SLC25A13: variants seen among roughly 807,000 people sequenced by gnomAD.
The protein encoded by SLC25A13 is solute carrier family 25 member 13.
A neutral mutation model predicts 85.5 loss-of-function variants in SLC25A13; 70 were observed. The observed-to-expected ratio is 0.82, with a 90% CI of 0.68 to 1.00. The LOEUF is 1.00. SLC25A13 is among the 50% of genes least tolerant of loss of function. The pLI, the probability that SLC25A13 is intolerant of heterozygous loss-of-function variation, is 0.00. For missense variants in SLC25A13, 765 were observed against 819.8 expected, an observed-to-expected ratio of 0.93 and a Z score of 0.82; for synonymous variants, 259 against 288.7, an observed-to-expected ratio of 0.90 and a Z score of 1.04.
chr7:96,219,674 T>C (rs369804713), intron 4 of SLC25A13: 1 of 534,574 alleles, frequency 1.9e-6, no homozygotes. Context: ...ATCAGTAGAT[T>C]TGAGACAGAG....
At chr7:96,129,827 G>C (rs564468633) in intron 15 of SLC25A13, among the ~76,000 whole-genome samples, 2 of 152,158 alleles carry the variant, frequency 1.3e-5, no homozygotes, top group African/African-American at 2.4e-5. Flanking sequence ...TTGGTAGTCT[G>C]ACCCCACAGG....
chr7:96,316,110 T>A (rs1254077660), intron 1 of SLC25A13, among the ~76,000 whole-genome samples: 2 of 151,534 alleles, frequency 1.3e-5, no homozygotes, highest in Non-Finnish European at 2.9e-5. Context: ...GGTGAGAGAG[T>A]GAGACCCTGT....
chr7:96,306,803 C>T (rs1562921057), intron 1 of SLC25A13: 4 of 1,356,442 alleles, frequency 2.9e-6, no homozygotes, highest in Admixed American at 1.7e-5. Flanking sequence ...ATCATCTCTA[C>T]CCCCAGGGAC....
intron 1 of SLC25A13, among the ~76,000 whole-genome samples, chr7:96,320,550 T>C (rs1179805680): frequency 6.6e-6 from 1 of 152,198 alleles, no homozygotes; most frequent in African/African-American, 2.4e-5. Context: ...CTATTGGGCT[T>C]GAAAGGGTTA....
chr7:96,192,037 A>T (rs1324302245), intron 6 of SLC25A13, among the ~76,000 whole-genome samples: 1 of 152,226 alleles, frequency 6.6e-6, no homozygotes, highest in African/African-American at 2.4e-5. Context: ...ATCTTCACTT[A>T]GTAATCATTT....
In SLC25A13 at chr7:96,274,411, CT is replaced by C. The variant is rs567769343; in HGVS notation, c.212+2784del. Among the ~76,000 whole-genome samples, 12 of 152,168 alleles carry C rather than the reference CT, an allele frequency of 7.9e-5. No homozygotes were observed. In the East Asian group the frequency reaches 2.3e-3, roughly 29 times the overall value. On this transcript the variant is annotated intron_variant, in intron 3 of 17. Coordinates refer to ENST00000265631, the MANE Select transcript of SLC25A13 (RefSeq NM_014251.3). ...TCATTGTAGATTCTGGATATTAGCC[CT>C]TTGTCAGATGAGTAGATTGAAAAAA...
chr7:96,166,187 T>A (rs995506359), intron 13 of SLC25A13, among the ~76,000 whole-genome samples: 4 of 152,176 alleles, frequency 2.6e-5, no homozygotes, highest in African/African-American at 7.2e-5. Flanking sequence ...GAATATAAAC[T>A]TCTATAAACA....
chr7:96,175,306 A>G (rs1462897875), intron 11 of SLC25A13, among the ~76,000 whole-genome samples: 1 of 152,262 alleles, frequency 6.6e-6, no homozygotes, highest in African/African-American at 2.4e-5. Flanking sequence ...AGGCTATGGC[A>G]TGGAGTCAGG....
intron 1 of SLC25A13, among the ~76,000 whole-genome samples, chr7:96,307,877 CGCAGTGGCTCACGCCTGTAATCCCA>C (rs1799811810): frequency 6.6e-6 from 1 of 152,050 alleles, no homozygotes; most frequent in Non-Finnish European, 1.5e-5. Context: ...TGCGGCCGGG[CGCAGTGGCTCACGCCTGTAATCCCA>C]GCACTTTGGG....
intron 13 of SLC25A13, among the ~76,000 whole-genome samples, chr7:96,157,718 T>C (rs147125569): frequency 0.01 from 1,594 of 152,202 alleles, 29 homozygotes; most frequent in African/African-American, 0.036. Context: ...GCAGAATTGC[T>C]TGAACCCAGG....
intron 11 of SLC25A13, among the ~76,000 whole-genome samples, chr7:96,176,871 T>C (rs6978550): frequency 0.34 from 52,302 of 152,052 alleles, 9,456 homozygotes; most frequent in East Asian, 0.59. Context: ...ATCTAGGGCA[T>C]GGGCTTTGGA....
intron 14 of SLC25A13, among the ~76,000 whole-genome samples, chr7:96,139,959 T>TC (rs1164821114): frequency 1.5e-4 from 7 of 47,290 alleles, no homozygotes; most frequent in African/African-American, 5.3e-4. Context: ...TTTTTTTTTT[T>TC]TTTTTTTTTT....
intron 13 of SLC25A13, 99 bp from the exon 14 acceptor site, chr7:96,146,795 C>T: frequency 7.2e-7 from 1 of 1,396,022 alleles, no homozygotes; most frequent in Non-Finnish European, 1.0e-6. Context: ...ATATTCTATC[C>T]TCAAGAGAAT....
intron 15 of SLC25A13, among the ~76,000 whole-genome samples, chr7:96,126,403 T>C (rs1301538604): frequency 6.6e-6 from 1 of 152,206 alleles, no homozygotes; most frequent in African/African-American, 2.4e-5. Context: ...ACACTTATCC[T>C]CTCTAGGGAA....
chr7:96,215,729 AT>A (rs913362390), intron 4 of SLC25A13, among the ~76,000 whole-genome samples: 4 of 152,184 alleles, frequency 2.6e-5, no homozygotes, highest in Admixed American at 2.6e-4. Context: ...TTAGAAAAAA[AT>A]ATAGACATAA....
intron 4 of SLC25A13, among the ~76,000 whole-genome samples, chr7:96,227,968 G>A (rs937063929): frequency 2.0e-5 from 3 of 152,036 alleles, no homozygotes; most frequent in Admixed American, 6.5e-5. Flanking sequence ...GGGTTCAAGC[G>A]ATTCTCCTGC....
At chr7:96,180,381 TC>T in intron 11 of SLC25A13, among the ~76,000 whole-genome samples, 1 of 152,298 alleles carries the variant, frequency 6.6e-6, no homozygotes, top group East Asian at 1.9e-4. Context: ...CACTCTTGTC[TC>T]CCAGGCAGGA....
intron 5 of SLC25A13, among the ~76,000 whole-genome samples, chr7:96,203,108 C>T (rs953715410): frequency 2.0e-5 from 3 of 152,220 alleles, no homozygotes; most frequent in African/African-American, 7.2e-5. Flanking sequence ...AGTGATCCTT[C>T]TGAAGCACAA....
chr7:96,146,753 G>A, intron 13 of SLC25A13, 57 bp from the exon 14 acceptor site: 1 of 1,565,696 alleles, frequency 6.4e-7, no homozygotes. Flanking sequence ...GGTGGGTCAG[G>A]AAGAGATGAA....
Sources: gnomAD v4.1 joint callset for allele counts (sites outside exome capture counted in the v4.1 genomes callset) on GRCh38, gnomAD v4.1.1 for gene constraint, MANE v1.5 for transcripts, NCBI Gene and HGNC (gene_info 2026-07-23, HGNC 2026-07-21) for gene names.